Variants in STK38L observed in about 807,000 individuals in gnomAD.
The protein encoded by STK38L is serine/threonine kinase 38 like.
Under a neutral mutation model 59.7 loss-of-function variants are expected in STK38L, and 28 were observed. The ratio of observed to expected loss-of-function variants is 0.47; its 90% CI spans 0.35 to 0.64. STK38L has a LOEUF of 0.64. Among genes scored for constraint, STK38L ranks in the 30% least tolerant of loss-of-function variants. STK38L has a pLI of 0.01. For synonymous variants in STK38L, 162 were observed against 176.8 expected (o/e 0.92, Z 0.66); for missense variants, 314 against 555.8 (o/e 0.56, Z 4.37).
intron 9 of STK38L, 24 bp downstream of exon 9, chr12:27,315,374 A>T: frequency 6.3e-7 from 1 of 1,596,504 alleles, no homozygotes; most frequent in Non-Finnish European, 8.5e-7. Flanking sequence ...TTTTTAAGAG[A>T]ATTTTATGCC....
intron 11 of STK38L, among the ~76,000 whole-genome samples, chr12:27,318,396 T>C (rs1247935843): frequency 6.6e-6 from 1 of 152,168 alleles, no homozygotes; most frequent in Non-Finnish European, 1.5e-5. Flanking sequence ...TCAACTAATA[T>C]GAAGTGTTTT....
At chr12:27,293,771 T>C (rs1302695720) in intron 1 of STK38L, 2 of 152,280 alleles carry the variant, frequency 1.3e-5, no homozygotes, top group Non-Finnish European at 2.9e-5. Context: ...GTTATTTCTT[T>C]GTGCTTTTTT....
chr12:27,283,087 A>G (rs904387229), intron 1 of STK38L, among the ~76,000 whole-genome samples: 4 of 152,250 alleles, frequency 2.6e-5, no homozygotes, highest in African/African-American at 7.2e-5. Flanking sequence ...GTTAGCAACT[A>G]TTATTACCAT....
At chr12:27,264,328 G>C (rs895765493) in intron 1 of STK38L, among the ~76,000 whole-genome samples, 2 of 152,148 alleles carry the variant, frequency 1.3e-5, no homozygotes, top group African/African-American at 4.8e-5. Context: ...CTAGGGCCTG[G>C]ACTGATATGC....
chr12:27,278,672 A>G (rs1334647788), intron 1 of STK38L, among the ~76,000 whole-genome samples: 3 of 152,208 alleles, frequency 2.0e-5, no homozygotes, highest in African/African-American at 4.8e-5. Flanking sequence ...GGTTTGTTGA[A>G]TATCTCATTT....
At chr12:27,252,373 A>G (rs1266848742) in intron 1 of STK38L, among the ~76,000 whole-genome samples, 2 of 152,226 alleles carry the variant, frequency 1.3e-5, no homozygotes, top group African/African-American at 4.8e-5. Flanking sequence ...AATGTTTGAG[A>G]GCTCAGACAG....
At chr12:27,287,288 A>C (rs1943794913) in intron 1 of STK38L, among the ~76,000 whole-genome samples, 1 of 151,942 alleles carries the variant, frequency 6.6e-6, no homozygotes, top group Non-Finnish European at 1.5e-5. Context: ...TTGTATTTTT[A>C]GTAGAGACAG....
Position 27,244,352 on chromosome 12 carries a change from G to T in STK38L, c.-12+20G>T, listed in dbSNP as rs1010070405. On this transcript the variant is annotated intron_variant, in intron 1 of 13. Transcript: ENST00000389032. ...AGGCAGGTGAGTTCGCGGATGTAGC[G>T]CTCGGCTGAGGGCCCGAGCTCGCCG... 1.3e-5 allele frequency: 2 copies of T among 152,342 alleles called. No homozygotes were observed. Among genetic ancestry groups the T allele is most frequent in the Non-Finnish European group, 2.9e-5 (2 of 68,118 alleles). The allele number at this position is 152,342 out of a possible 1,614,324, so 9.4% of individuals were successfully genotyped here. A position where few individuals can be genotyped will look rare whatever the true frequency, so the allele number is the denominator to read the frequency against.
At chr12:27,262,290 C>A (rs898621660) in intron 1 of STK38L, among the ~76,000 whole-genome samples, 17 of 152,164 alleles carry the variant, frequency 1.1e-4, no homozygotes, top group Non-Finnish European at 2.2e-4. Context: ...CAAATTATGT[C>A]TTTAAAGTAA....
rs1944362497 is a variant in STK38L, at chr12:27,308,221, A to G, written c.187-118A>G. On this transcript the variant is annotated intron_variant, in intron 3 of 13. Transcript: ENST00000389032. The surrounding 1 kb of genome is among the most constrained non-coding windows in gnomAD (Gnocchi z 4.5). ...TTTCTTTAAATTGTTTTAGCCTAAT[A>G]GTATATTACATATTAGTGCTATCAT... 1.1e-6 allele frequency: 1 copy of G among 930,694 alleles called. No individual in the cohort carries two copies. Among genetic ancestry groups the G allele is most frequent in the Non-Finnish European group, 1.4e-6 (1 of 696,958 alleles). The allele number at this position is 930,694 out of a possible 1,614,324, so 57.7% of individuals were successfully genotyped here.
intron 1 of STK38L, among the ~76,000 whole-genome samples, chr12:27,264,740 A>G (rs553889795): frequency 2.0e-5 from 3 of 152,230 alleles, no homozygotes; most frequent in Non-Finnish European, 2.9e-5. Flanking sequence ...TGCCAATACT[A>G]CACTATTTTA....
rs1433045441 is a variant in STK38L, at chr12:27,308,568, T to C, written c.309+107T>C. ...GGCTGGGTGCGGTGGCTCACGCCTG[T>C]AATCCCAATACTTTGGGAGGCCGAG... is the stretch of plus-strand genomic sequence containing the variant. On this transcript the variant is annotated intron_variant, in intron 4 of 13. Transcript: ENST00000389032. The surrounding 1 kb of genome is among the most constrained non-coding windows in gnomAD (Gnocchi z 4.5). The C allele has an allele frequency of 8.4e-7, 1 of 1,187,334 alleles. No individual in the cohort carries two copies. Among genetic ancestry groups the C allele is most frequent in the African/African-American group, 1.6e-5 (1 of 61,348 alleles). 73.5% of individuals were successfully genotyped at this position (1,187,334 alleles called of 1,614,324 possible). A position where few individuals can be genotyped will look rare whatever the true frequency, so the allele number is the denominator to read the frequency against.
chr12:27,317,247 A>T, intron 9 of STK38L, 89 bp from the exon 10 acceptor site: 2 of 876,760 alleles, frequency 2.3e-6, no homozygotes, highest in Non-Finnish European at 3.6e-6. Context: ...TAACTCCTCT[A>T]TATATTGCTT....
intron 13 of STK38L, 34 bp downstream of exon 13, chr12:27,322,268 A>G (rs1476183316): frequency 2.5e-6 from 4 of 1,613,078 alleles, no homozygotes; most frequent in Non-Finnish European, 3.4e-6. Flanking sequence ...AACCCTATTA[A>G]AAGTCTTTGA....
At position 27,312,544 on chromosome 12, in the gene STK38L, T is replaced by C. The variant is rs751385924; in HGVS notation, c.394-5T>C. 4 of 1,611,860 alleles carry C rather than the reference T, an allele frequency of 2.5e-6. No homozygotes were observed. In the East Asian group the frequency reaches 8.9e-5, roughly 36 times the overall value. On this transcript the variant is annotated splice_region_variant and splice_polypyrimidine_tract_variant and intron_variant, in intron 5 of 13. Coordinates refer to ENST00000389032, the MANE Select transcript of STK38L (RefSeq NM_015000.4). ...ATTATTTTTTTCAAAAATATATTCA[T>C]CTAGGTGGCCCATATCCGAGCAGAA...
rs1181138668 is a variant in STK38L at position 27,308,930 on chromosome 12, AATAT to A, written c.310-178_310-175del. On this transcript the variant is annotated intron_variant, in intron 4 of 13. Coordinates refer to ENST00000389032, the MANE Select transcript of STK38L (RefSeq NM_015000.4). This position sits in a 1 kb window ranked among gnomAD's most constrained non-coding sequence, Gnocchi z 4.5. ...TATAAATATATATTAATATATATAAAATATATATAAATATATATATAACATATAT... is the reference window on the plus strand; with the variant it reads ...TATAAATATATATTAATATATATAAAATATAAATATATATATAACATATAT... 6.9e-6 allele frequency among the ~76,000 whole-genome samples: 1 copy of A among 145,248 alleles called. No homozygotes were observed. The highest frequency in any genetic ancestry group is 1.5e-5 in the Non-Finnish European group (1 of 66,064).
intron 6 of STK38L, among the ~76,000 whole-genome samples, chr12:27,313,205 G>A (rs1339239383): frequency 1.4e-5 from 2 of 146,732 alleles, no homozygotes; most frequent in South Asian, 2.1e-4. Flanking sequence ...CCGAGATAGC[G>A]CCACTGCAGT....
At chr12:27,293,292 G>GT (rs1395873704) in intron 1 of STK38L, among the ~76,000 whole-genome samples, 1 of 152,234 alleles carries the variant, frequency 6.6e-6, no homozygotes, top group Admixed American at 6.5e-5. Context: ...GGCCTAGTCT[G>GT]TAGCAGACCA....
intron 1 of STK38L, among the ~76,000 whole-genome samples, chr12:27,268,494 A>G (rs879940004): frequency 2.0e-5 from 3 of 152,236 alleles, no homozygotes; most frequent in Non-Finnish European, 2.9e-5. Context: ...TATATGTGCC[A>G]CATTTTCTTA....
Sources: gnomAD v4.1 joint callset for allele counts (sites outside exome capture counted in the v4.1 genomes callset) on GRCh38, gnomAD v4.1.1 for gene constraint, Gnocchi (gnomAD v3.1) non-coding constraint, MANE v1.5 for transcripts, NCBI Gene and HGNC (gene_info 2026-07-23, HGNC 2026-07-21) for gene names.